Variants in MTA2 observed in about 807,000 individuals in gnomAD.
MTA2 encodes metastasis-associated protein MTA2.
Under a neutral mutation model 87.1 loss-of-function variants are expected in MTA2, and 22 were observed. That is an observed-to-expected ratio of 0.25 (90% CI 0.18 to 0.36). The LOEUF is 0.36. MTA2 is among the 10% of genes least tolerant of loss of function. The pLI is 1.00. For missense variants in MTA2, 542 were observed against 853.2 expected (o/e 0.64, Z 4.54); for synonymous variants, 314 against 310.1 (o/e 1.01, Z -0.13).
Position 62,595,579 on chromosome 11 carries a change from T to C in MTA2, c.1255-87A>G, listed in dbSNP as rs555310634. 2.3e-5 allele frequency: 35 copies of C among 1,540,624 alleles called. No homozygotes were observed. In the African/African-American group the frequency reaches 4.0e-4, roughly 17 times the overall value. ...TCCATTCCCTGCAGGGGACAATTTA[T>C]TCCTGTCTAATCTCTTTACTGACCT... On this transcript the variant is annotated intron_variant, in intron 13 of 17. Transcript: ENST00000278823. The surrounding 1 kb of genome is among the most constrained non-coding windows in gnomAD (Gnocchi z 4.9).
intron 3 of MTA2, among the ~76,000 whole-genome samples, chr11:62,598,934 C>T (rs559293424): frequency 1.3e-5 from 2 of 152,288 alleles, no homozygotes; most frequent in African/African-American, 2.4e-5. Context: ...AAGTCCACAA[C>T]GGGCCAGCAA....
At chr11:62,600,778 T>G (rs1360754835) in intron 1 of MTA2, 89 bp from the exon 2 acceptor site, 25 of 1,177,062 alleles carry the variant, frequency 2.1e-5, no homozygotes, top group Non-Finnish European at 3.1e-5. Flanking sequence ...TTGGCCTGAG[T>G]GGATCAAAAG....
rs758765464 is a variant in MTA2, at chr11:62,601,464, G to A, written c.-14C>T. On this transcript the variant is annotated 5_prime_UTR_variant, in exon 1 of 18. Transcript: ENST00000278823. ...GTTGGCCGCCATGGCCGTTCCCGCC[G>A]CCGCCTCCGGCCGCACAAAGGGGTC... 1.9e-6 allele frequency: 3 copies of A among 1,607,204 alleles called. No homozygotes were observed. Among genetic ancestry groups the A allele is most frequent in the Admixed American group, 1.7e-5 (1 of 59,758 alleles).
intron 8 of MTA2, 150 bp from the exon 9 acceptor site, chr11:62,596,975 G>C: frequency 1.4e-6 from 1 of 733,530 alleles, no homozygotes; most frequent in Non-Finnish European, 2.2e-6. Context: ...AGATCACGAG[G>C]TCAGGAGATC....
chr11:62,594,745 C>A, intron 15 of MTA2, 111 bp from the exon 16 acceptor site: 1 of 1,034,382 alleles, frequency 9.7e-7, no homozygotes, highest in South Asian at 1.5e-5. Flanking sequence ...CCAAAAGTAG[C>A]AATGGGGGAA....
chr11:62,594,725 C>A, intron 15 of MTA2, 91 bp from the exon 16 acceptor site: 1 of 1,221,448 alleles, frequency 8.2e-7, no homozygotes, highest in Non-Finnish European at 1.2e-6. Context: ...AGCAGTTTAC[C>A]TGGGCATCCC....
chr11:62,601,475 C>A lies in MTA2; in HGVS notation c.-25G>T. 4 of 1,606,706 alleles carry A rather than the reference C, an allele frequency of 2.5e-6. No individual in the cohort carries two copies. The highest frequency in any genetic ancestry group is 3.4e-6 in the Non-Finnish European group (4 of 1,177,380). On this transcript the variant is annotated 5_prime_UTR_variant, in exon 1 of 18. Transcript: ENST00000278823. Reference sequence around the variant, plus strand: ...TGGCCGTTCCCGCCGCCGCCTCCGGCCGCACAAAGGGGTCCGGGAGGCTCG... The same window carrying A: ...TGGCCGTTCCCGCCGCCGCCTCCGGACGCACAAAGGGGTCCGGGAGGCTCG...
chr11:62,594,860 TAC>T lies in MTA2; in HGVS notation c.1573+119_1573+120del, dbSNP rs919254317. ...AAAAAAAATTATTAAACAACAAAAG[TAC>T]AGTTTGTTAGACTAAATCTCTGAGG... On this transcript the variant is annotated intron_variant, in intron 15 of 17. Coordinates refer to ENST00000278823, the MANE Select transcript of MTA2 (RefSeq NM_004739.4). 1.1e-5 allele frequency: 11 copies of T among 975,160 alleles called. No individual in the cohort carries two copies. The African/African-American group carries it at 1.3e-4, about 12-fold the overall frequency. The allele number at this position is 975,160 out of a possible 1,614,324, so 60.4% of individuals were successfully genotyped here.
Position 62,596,113 on chromosome 11 carries a change from G to C in MTA2, c.1017-6C>G. Reference sequence around the variant, plus strand: ...GGTTAGGGTTTGGCTTAGTGCTAACGGGGAAGGCGAGGAGAAGGGAAAAAA... The same window carrying C: ...GGTTAGGGTTTGGCTTAGTGCTAACCGGGAAGGCGAGGAGAAGGGAAAAAA... On this transcript the variant is annotated splice_polypyrimidine_tract_variant and splice_region_variant and intron_variant, in intron 11 of 17. Transcript: ENST00000278823. The C allele has an allele frequency of 6.2e-7, 1 of 1,613,950 alleles. No individual in the cohort carries two copies. Among genetic ancestry groups the C allele is most frequent in the Admixed American group, 1.7e-5 (1 of 60,008 alleles).
rs1942215357 is a variant in MTA2 at position 62,601,861 on chromosome 11, C to T, written c.-411G>A. 4 of 496,790 alleles carry T rather than the reference C, an allele frequency of 8.1e-6. No homozygotes were observed. The highest frequency in any genetic ancestry group is 3.4e-5 in the South Asian group (1 of 29,720). 30.8% of individuals were successfully genotyped at this position (496,790 alleles called of 1,614,324 possible). ...CTTCGGCCGATCCGGAGAACAAGGC[C>T]CACTGCTCGGCTCAGGTCGGAGAGC... is the stretch of plus-strand genomic sequence containing the variant. On this transcript the variant is annotated 5_prime_UTR_variant, in exon 1 of 18. Transcript: ENST00000278823.
chr11:62,594,446 C>G, intron 16 of MTA2, 39 bp from the exon 17 acceptor site: 3 of 1,613,750 alleles, frequency 1.9e-6, no homozygotes, highest in Admixed American at 3.3e-5. Flanking sequence ...GGGAAGGGAC[C>G]CTCTCAGACT....
chr11:62,598,251 C>CA, intron 5 of MTA2, 76 bp downstream of exon 5: 2 of 1,568,428 alleles, frequency 1.3e-6, no homozygotes. Flanking sequence ...TGTACCTCAT[C>CA]ATTGTGCTCC....
At chr11:62,597,151 T>G (rs1942110157) in intron 8 of MTA2, among the ~76,000 whole-genome samples, 165 bp downstream of exon 8, 1 of 151,496 alleles carries the variant, frequency 6.6e-6, no homozygotes, top group Admixed American at 6.6e-5. Context: ...ATTGCGCCAC[T>G]GCACTCCAGC....
Position 62,601,453 on chromosome 11 carries a change from C to G in MTA2, c.-3G>C. ...ACCCGGTACATGTTGGCCGCCATGG[C>G]CGTTCCCGCCGCCGCCTCCGGCCGC... On this transcript the variant is annotated 5_prime_UTR_variant, in exon 1 of 18. Transcript: ENST00000278823. The G allele has an allele frequency of 6.2e-7, 1 of 1,609,274 alleles. No homozygotes were observed. Among genetic ancestry groups the G allele is most frequent in the Non-Finnish European group, 8.5e-7 (1 of 1,178,296 alleles).
chr11:62,595,516 G>GA lies in MTA2; in HGVS notation c.1255-25dup, dbSNP rs1309893819. 9 of 1,612,060 alleles carry GA rather than the reference G, an allele frequency of 5.6e-6. No homozygotes were observed. The East Asian group carries it at 2.0e-4, about 36-fold the overall frequency. On this transcript the variant is annotated intron_variant, in intron 13 of 17. Transcript: ENST00000278823. The surrounding 1 kb of genome is among the most constrained non-coding windows in gnomAD (Gnocchi z 4.9). ...TCCTAGAAGAAGAGCATAGGAAAGA[G>GA]AGAGAGCAGAAATCAGCACTGAGGC...
chr11:62,595,221 CAATCCG>C lies in MTA2; in HGVS notation c.1483+37_1483+42del, dbSNP rs775641402. 8 of 1,588,516 alleles carry C rather than the reference CAATCCG, an allele frequency of 5.0e-6. No individual in the cohort carries two copies. The African/African-American group carries it at 1.1e-4, about 21-fold the overall frequency. ...GAGAAACAACGGTCTCTGGGCAGAGCAATCCGAAACCCACCACCAGTCCCACCACTC... is the reference window on the plus strand; with the variant it reads ...GAGAAACAACGGTCTCTGGGCAGAGCAAACCCACCACCAGTCCCACCACTC... On this transcript the variant is annotated intron_variant, in intron 14 of 17. Transcript: ENST00000278823. The surrounding 1 kb of genome is among the most constrained non-coding windows in gnomAD (Gnocchi z 4.9).
intron 3 of MTA2, among the ~76,000 whole-genome samples, chr11:62,598,895 G>A (rs1218662561): frequency 2.6e-5 from 4 of 151,984 alleles, no homozygotes; most frequent in East Asian, 1.9e-4. Flanking sequence ...GAAATACATC[G>A]CTACCCAGCT....
intron 17 of MTA2, 92 bp from the exon 18 acceptor site, chr11:62,594,132 C>T: frequency 6.4e-7 from 1 of 1,554,274 alleles, no homozygotes. Context: ...GCCTTCTGGC[C>T]CATTCTTTTC....
intron 1 of MTA2, 95 bp downstream of exon 1, chr11:62,601,328 T>A: frequency 6.8e-7 from 1 of 1,478,410 alleles, no homozygotes; most frequent in Non-Finnish European, 9.3e-7. Flanking sequence ...CGCTGCCCCA[T>A]ACGCTGCGCC....
Sources: allele counts gnomAD v4.1 joint callset (sites outside exome capture counted in the v4.1 genomes callset), GRCh38; gene constraint gnomAD v4.1.1; non-coding constraint Gnocchi (gnomAD v3.1); transcripts MANE v1.5; gene names NCBI Gene and HGNC (gene_info 2026-07-23, HGNC 2026-07-21).